LSAMP: variants seen among roughly 807,000 people sequenced by gnomAD.
LSAMP encodes limbic system associated membrane protein.
LSAMP carries 7 observed loss-of-function variants against 38.6 expected under a neutral mutation model. The observed-to-expected ratio is 0.18, with a 90% CI of 0.10 to 0.34. The LOEUF (loss-of-function observed/expected upper bound fraction) is 0.34, where lower values mean the gene tolerates loss of function less well. Among genes scored for constraint, LSAMP ranks in the 10% least tolerant of loss-of-function variants. The probability of loss-of-function intolerance (pLI) is 1.00; values close to 1 mark genes in which losing one functional copy is unlikely to be tolerated. For synonymous variants in LSAMP, 154 were observed against 166.8 expected (o/e 0.92, Z 0.59); for missense variants, 313 against 420.0 (o/e 0.75, Z 2.23).
intron 3 of LSAMP, among the ~76,000 whole-genome samples, chr3:115,957,233 G>A (rs1481888299): frequency 6.6e-6 from 1 of 152,156 alleles, no homozygotes; most frequent in African/African-American, 2.4e-5. Flanking sequence ...CACTCAGGAA[G>A]CCCCTCTGAT....
chr3:116,220,457 A>G (rs956051240), intron 1 of LSAMP, among the ~76,000 whole-genome samples: 3 of 151,928 alleles, frequency 2.0e-5, no homozygotes, highest in Non-Finnish European at 4.4e-5. Context: ...GGGGCAGCTG[A>G]AGTTAGAAAA....
intron 1 of LSAMP, among the ~76,000 whole-genome samples, chr3:116,266,726 G>A (rs1275139235): frequency 6.6e-6 from 1 of 152,006 alleles, no homozygotes; most frequent in East Asian, 1.9e-4. Context: ...AAGCACACAA[G>A]TGTATAGAGA....
At chr3:115,995,633 T>G (rs1444463867) in intron 3 of LSAMP, among the ~76,000 whole-genome samples, 1 of 152,122 alleles carries the variant, frequency 6.6e-6, no homozygotes, top group African/African-American at 2.4e-5. Context: ...GACCAATGTT[T>G]CACTAGACTT....
In LSAMP at chr3:115,828,677, C is replaced by T. The variant is rs560632016; in HGVS notation, c.919+13168G>A. Among the ~76,000 whole-genome samples, 158 of 152,308 alleles carry T rather than the reference C, an allele frequency of 1.0e-3. 2 individuals carry two copies. The highest frequency in any genetic ancestry group is 3.4e-3 in the African/African-American group (141 of 41,568). On this transcript the variant is annotated intron_variant, in intron 6 of 6. Transcript: ENST00000490035. ...TGAGCTCCTCTTAGGCAGCTTTATT[C>T]CTTTTAATTAAAAAGACAAGACTGC...
chr3:115,951,317 A>C (rs1410959640), intron 3 of LSAMP, among the ~76,000 whole-genome samples: 32 of 152,238 alleles, frequency 2.1e-4, no homozygotes, highest in Admixed American at 2.1e-3. Flanking sequence ...AAAAGAAATA[A>C]TTAGCAGAGT....
chr3:116,429,669 C>T (rs4626095), intron 1 of LSAMP, among the ~76,000 whole-genome samples: 15,282 of 152,160 alleles, frequency 0.1, 1,096 homozygotes, highest in Admixed American at 0.14. Flanking sequence ...AGAAGGATTA[C>T]ATCAGATATC....
chr3:115,825,529 TA>T (rs1252551075), intron 6 of LSAMP, among the ~76,000 whole-genome samples: 1 of 152,216 alleles, frequency 6.6e-6, no homozygotes, highest in East Asian at 1.9e-4. Context: ...GACATTCTGC[TA>T]AATAACAGGC....
At chr3:116,068,821 C>A (rs1707525104) in intron 2 of LSAMP, among the ~76,000 whole-genome samples, 1 of 152,136 alleles carries the variant, frequency 6.6e-6, no homozygotes, top group Non-Finnish European at 1.5e-5. Context: ...CAAAGAGAAA[C>A]AATGCACATT....
chr3:116,426,647 A>G (rs547673420), intron 1 of LSAMP, among the ~76,000 whole-genome samples: 2 of 152,190 alleles, frequency 1.3e-5, no homozygotes, highest in Admixed American at 6.5e-5. Context: ...TAATAATAAA[A>G]CCCAAACAGC....
At chr3:115,928,969 G>GTTTTTTTTTTTTTTT (rs1033194537) in intron 3 of LSAMP, among the ~76,000 whole-genome samples, 14 of 53,566 alleles carry the variant, frequency 2.6e-4, no homozygotes, top group African/African-American at 8.0e-4. Flanking sequence ...CAGGTTTTTT[G>GTTTTTTTTTTTTTTT]TTTGTTTTTT....
chr3:115,895,219 T>G (rs1483178812), intron 3 of LSAMP, among the ~76,000 whole-genome samples: 2 of 152,072 alleles, frequency 1.3e-5, no homozygotes, highest in African/African-American at 4.8e-5. Context: ...CAGTTCAATC[T>G]CTTGACTGTG....
At chr3:116,241,286 C>T (rs1404725983) in intron 1 of LSAMP, among the ~76,000 whole-genome samples, 4 of 150,842 alleles carry the variant, frequency 2.7e-5, no homozygotes, top group Non-Finnish European at 5.9e-5. Context: ...TTATGTTGGC[C>T]GGGCGCAGTG....
chr3:116,183,351 G>A (rs1197570157), intron 1 of LSAMP, among the ~76,000 whole-genome samples: 1 of 151,874 alleles, frequency 6.6e-6, no homozygotes, highest in African/African-American at 2.4e-5. Context: ...ATAAAGTGTT[G>A]AAAGATATGT....
chr3:116,386,778 A>G (rs1279623538), intron 1 of LSAMP, among the ~76,000 whole-genome samples: 1 of 152,156 alleles, frequency 6.6e-6, no homozygotes, highest in Non-Finnish European at 1.5e-5. Flanking sequence ...TGGCCAGTAC[A>G]TTCTTTTCAT....
intron 3 of LSAMP, among the ~76,000 whole-genome samples, chr3:115,920,204 A>G (rs1411502546): frequency 3.3e-5 from 5 of 152,222 alleles, no homozygotes; most frequent in African/African-American, 1.2e-4. Flanking sequence ...AATACTCAGA[A>G]GTGAGATCAC....
intron 1 of LSAMP, among the ~76,000 whole-genome samples, chr3:116,284,336 A>G (rs1337827700): frequency 6.6e-6 from 1 of 152,184 alleles, no homozygotes; most frequent in Admixed American, 6.5e-5. Flanking sequence ...TTAATCTCAC[A>G]CATCTATCAT....
Position 116,081,341 on chromosome 3 carries a change from C to A in LSAMP, c.388+4983G>T, listed in dbSNP as rs545276487. ...TGATGGCACGCGCCTGTAGTCCCAGCTACTTGGGAGGCTGAGGCAGGAGAA... is the reference window on the plus strand; with the variant it reads ...TGATGGCACGCGCCTGTAGTCCCAGATACTTGGGAGGCTGAGGCAGGAGAA... On this transcript the variant is annotated intron_variant, in intron 2 of 6. Coordinates refer to ENST00000490035, the MANE Select transcript of LSAMP (RefSeq NM_002338.5). Among the ~76,000 whole-genome samples, 73 of 151,972 alleles carry A rather than the reference C, an allele frequency of 4.8e-4. 1 individual carries two copies. The South Asian group carries it at 0.015, about 31-fold the overall frequency.
intron 3 of LSAMP, among the ~76,000 whole-genome samples, chr3:115,915,807 A>G (rs1022088468): frequency 6.6e-6 from 1 of 151,918 alleles, no homozygotes; most frequent in Non-Finnish European, 1.5e-5. Context: ...TAATTTTTGT[A>G]TTTCTAGTAG....
At chr3:116,322,128 C>T (rs1365203827) in intron 1 of LSAMP, among the ~76,000 whole-genome samples, 4 of 152,126 alleles carry the variant, frequency 2.6e-5, no homozygotes, top group Non-Finnish European at 5.9e-5. Flanking sequence ...AGCTGATCAA[C>T]AGAAAGGGTC....
Sources: allele counts gnomAD v4.1 joint callset (sites outside exome capture counted in the v4.1 genomes callset), GRCh38; gene constraint gnomAD v4.1.1; transcripts MANE v1.5; gene names NCBI Gene and HGNC (gene_info 2026-07-23, HGNC 2026-07-21).